The following METTL18 variants were observed in gnomAD, a reference collection of about 807,000 sequenced individuals.
METTL18 encodes the protein methyltransferase 18, RPL3 N3(tau)-histidine.
METTL18 carries 15 observed loss-of-function variants against 19.6 expected under a neutral mutation model. The observed-to-expected ratio is 0.77, with a 90% CI of 0.51 to 1.18. METTL18 has a LOEUF of 1.18. Ranked by LOEUF, METTL18 falls within the 50% of genes most tolerant of loss-of-function variation. The pLI, the probability that METTL18 is intolerant of heterozygous loss-of-function variation, is 0.00. For synonymous variants in METTL18, 131 were observed against 145.2 expected (o/e 0.90, Z 0.70); for missense variants, 392 against 418.8 (o/e 0.94, Z 0.56).
At position 169,792,986 on chromosome 1, in the gene METTL18, A is replaced by T; in HGVS notation, c.710T>A (p.Leu237Ter). The part of the protein sequence containing the change: ...TLPNVVANST[L>*]EDEENDVNEP... ...ATTTACATCATTTTCTTCATCTTCC[A>T]AAGTGGAGTTAGCTACTACATTAGG... is the stretch of plus-strand genomic sequence containing the variant. Residue 237 changes from leucine (L) to a stop codon, truncating the protein, a stop_gained, in exon 2 of 2, where the codon TTG becomes TAG. Coordinates refer to ENST00000310392, the MANE Select transcript of METTL18 (RefSeq NM_033418.4). LOFTEE classifies it high-confidence loss of function. 6.2e-7 allele frequency: 1 copy of T among 1,614,052 alleles called. No homozygotes were observed.
In METTL18 at chr1:169,792,651, T is replaced by C; in HGVS notation, c.1045A>G (p.Thr349Ala). 3 of 1,610,394 alleles carry C rather than the reference T, an allele frequency of 1.9e-6. No individual in the cohort carries two copies. Among genetic ancestry groups the C allele is most frequent in the Non-Finnish European group, 8.5e-7 (1 of 1,179,044 alleles). Residue 349 changes from threonine (T) to alanine (A), a missense_variant, in exon 2 of 2, where the codon ACC becomes GCC. Physicochemically the swap from Thr to Ala is moderately conservative, Grantham distance 58 (BLOSUM62 0). Coordinates refer to ENST00000310392, the MANE Select transcript of METTL18 (RefSeq NM_033418.4). ...KFVEERDVFK[T>A]RILKIIDEGL... The stretch of plus-strand genomic sequence containing the variant: ...TCATCAATTATTTTGAGTATTCTGG[T>C]CTTAAAAACATCTCTTTCTTCTACA...
rs1650270999 is a variant in METTL18 at position 169,793,828 on chromosome 1, A to G, written c.-133T>C. 3 of 688,686 alleles carry G rather than the reference A, an allele frequency of 4.4e-6. No individual in the cohort carries two copies. The highest frequency in any genetic ancestry group is 3.1e-5 in the South Asian group (1 of 32,716). 42.7% of individuals were successfully genotyped at this position (688,686 alleles called of 1,614,324 possible). A position where few individuals can be genotyped will look rare whatever the true frequency, so the allele number is the denominator to read the frequency against. On this transcript the variant is annotated 5_prime_UTR_variant, in exon 2 of 2. An upstream start codon of the reference 5' UTR is lost. Coordinates refer to ENST00000310392, the MANE Select transcript of METTL18 (RefSeq NM_033418.4). ...CCAATTTCTCTTTAGCAGCTTATAC[A>G]TGGTAACAAATATTTAGAGATATTT...
rs779892674 is a variant in METTL18 at position 169,794,887 on chromosome 1, G to A, written c.-275C>T. On this transcript the variant is annotated 5_prime_UTR_variant, in exon 1 of 2. Coordinates refer to ENST00000310392, the MANE Select transcript of METTL18 (RefSeq NM_033418.4). ...AAGCTCACCTCACAACGCCTCCTCC[G>A]GACCTAAATCGCGCACCAGTGAGTC... 7.2e-6 allele frequency: 4 copies of A among 554,302 alleles called. No individual in the cohort carries two copies. Among genetic ancestry groups the A allele is most frequent in the Non-Finnish European group, 1.3e-5 (4 of 309,182 alleles). The allele number at this position is 554,302 out of a possible 1,614,324, so 34.3% of individuals were successfully genotyped here.
At position 169,793,124 on chromosome 1, in the gene METTL18, A is replaced by C. The variant is rs766938906; in HGVS notation, c.572T>G (p.Val191Gly). 1.9e-6 allele frequency: 3 copies of C among 1,614,166 alleles called. No homozygotes were observed. Among genetic ancestry groups the C allele is most frequent in the Non-Finnish European group, 2.5e-6 (3 of 1,180,028 alleles). The change falls in exon 2 of 2, where the codon GTC becomes GGC. Residue 191 changes from valine to glycine, a missense_variant. Physicochemically the swap from Val to Gly is moderately radical, Grantham distance 109 (BLOSUM62 -3). Transcript: ENST00000310392. ...KAKVKFAGKK[V>G]LDLGCGSGLL... is the part of the protein sequence containing the mutation. ...ACCTGATCCACAACCAAGATCCAAG[A>C]CTTTTTTCCCAGCAAATTTCACTTT...
Position 169,794,889 on chromosome 1 carries a change from A to C in METTL18, c.-277T>G. On this transcript the variant is annotated 5_prime_UTR_variant, in exon 1 of 2. Coordinates refer to ENST00000310392, the MANE Select transcript of METTL18 (RefSeq NM_033418.4). ...GCTCACCTCACAACGCCTCCTCCGG[A>C]CCTAAATCGCGCACCAGTGAGTCGA... The C allele has an allele frequency of 1.8e-6, 1 of 560,208 alleles. No individual in the cohort carries two copies. Among genetic ancestry groups the C allele is most frequent in the Admixed American group, 3.0e-5 (1 of 32,890 alleles). The allele number at this position is 560,208 out of a possible 1,614,324, so 34.7% of individuals were successfully genotyped here. A position where few individuals can be genotyped will look rare whatever the true frequency, so the allele number is the denominator to read the frequency against.
chr1:169,794,280 CT>C lies in METTL18; in HGVS notation c.-202-384del, dbSNP rs201380317. Among the ~76,000 whole-genome samples the C allele has an allele frequency of 4.0e-3, 604 of 152,318 alleles. 16 individuals are homozygous for C. The highest frequency in any genetic ancestry group is 0.029 in the Admixed American group (437 of 15,296). On this transcript the variant is annotated intron_variant, in intron 1 of 1. Coordinates refer to ENST00000310392, the MANE Select transcript of METTL18 (RefSeq NM_033418.4). ...GCTTCCAGAATAACTTCACTTCTGT[CT>C]TTTACAGAAGAGGTGCAGTATTTTA...
At chr1:169,793,947 A>C in intron 1 of METTL18, 50 bp from the exon 2 acceptor site, 1 of 361,134 alleles carries the variant, frequency 2.8e-6, no homozygotes, top group African/African-American at 2.1e-5. Flanking sequence ...TTAAAGCAAA[A>C]TGGCACATTT....
Position 169,792,996 on chromosome 1 carries a change from T to TA in METTL18, c.699dup (p.Asn234Ter), listed in dbSNP as rs1402595803. The TA allele has an allele frequency of 6.2e-7, 1 of 1,614,122 alleles. No individual in the cohort carries two copies. The highest frequency in any genetic ancestry group is 1.1e-5 in the South Asian group (1 of 91,068). On this transcript the variant is annotated frameshift_variant, in exon 2 of 2. Coordinates refer to ENST00000310392, the MANE Select transcript of METTL18 (RefSeq NM_033418.4). LOFTEE classifies it high-confidence loss of function. ...TTTTCTTCATCTTCCAAAGTGGAGTTAGCTACTACATTAGGTAAGGTTACT... is the reference window on the plus strand; with the variant it reads ...TTTTCTTCATCTTCCAAAGTGGAGTTAAGCTACTACATTAGGTAAGGTTACT...
At position 169,793,589 on chromosome 1, in the gene METTL18, G is replaced by C; in HGVS notation, c.107C>G (p.Ser36Ter). The C allele has an allele frequency of 2.5e-6, 4 of 1,614,136 alleles. No individual in the cohort carries two copies. The highest frequency in any genetic ancestry group is 3.4e-6 in the Non-Finnish European group (4 of 1,180,022). ...TLDSSKELSV[S>*]ESQKGEERDR... ...CCTCTCTTCTCCTTTTTGACTTTCTGAGACTGACAGCTCTTTTGAGGAATC... is the reference window on the plus strand; with the variant it reads ...CCTCTCTTCTCCTTTTTGACTTTCTCAGACTGACAGCTCTTTTGAGGAATC... The change falls in exon 2 of 2, where the codon TCA becomes TGA. Residue 36 changes from serine (S) to a stop codon, truncating the protein, a stop_gained. Transcript: ENST00000310392. LOFTEE classifies it low-confidence loss of function (END_TRUNC).
In METTL18 at chr1:169,793,031, A is replaced by C. The variant is rs1650186613; in HGVS notation, c.665T>G (p.Val222Gly). 6.2e-7 allele frequency: 1 copy of C among 1,614,142 alleles called. No homozygotes were observed. The highest frequency in any genetic ancestry group is 8.5e-7 in the Non-Finnish European group (1 of 1,180,026). ...EIHFQDYNSM[V>G]IDEVTLPNVV... ...ATTAGGTAAGGTTACTTCATCAATC[A>C]CCATACTGTTATAATCTTGAAAGTG... Residue 222 changes from valine to glycine, a missense_variant, in exon 2 of 2, where the codon GTG becomes GGG. Transcript: ENST00000310392.
At position 169,793,380 on chromosome 1, in the gene METTL18, G is replaced by C. The variant is rs776812757; in HGVS notation, c.316C>G (p.Pro106Ala). 1 of 1,614,008 alleles carries C rather than the reference G, an allele frequency of 6.2e-7. No homozygotes were observed. The highest frequency in any genetic ancestry group is 8.5e-7 in the Non-Finnish European group (1 of 1,179,990). The change falls in exon 2 of 2, where the codon CCT becomes GCT. Residue 106 changes from proline (P) to alanine (A), a missense_variant. By Grantham distance (27) the Pro-to-Ala change is conservative. Transcript: ENST00000310392. Reference protein sequence around the residue: ...SLRAAKEHAMPKDLKKMLENK... With the variant: ...SLRAAKEHAMAKDLKKMLENK... ...TCTAACATCTTCTTTAAATCTTTAGGCATAGCATGCTCTTTGGCAGCTCTC... is the reference window on the plus strand; with the variant it reads ...TCTAACATCTTCTTTAAATCTTTAGCCATAGCATGCTCTTTGGCAGCTCTC...
Position 169,793,423 on chromosome 1 carries a change from A to T in METTL18, c.273T>A (p.His91Gln). The T allele has an allele frequency of 1.9e-6, 3 of 1,614,164 alleles. No individual in the cohort carries two copies. Among genetic ancestry groups the T allele is most frequent in the Non-Finnish European group, 2.5e-6 (3 of 1,180,008 alleles). The change falls in exon 2 of 2, where the codon CAT becomes CAA. Residue 91 changes from histidine to glutamine, a missense_variant. His to Gln is a conservative substitution (Grantham distance 24). Transcript: ENST00000310392. ...AASSSRNLEP[H>Q]GKQPSLRAAK... ...CAGCTCTCAAGGAGGGCTGTTTTCC[A>T]TGTGGCTCCAAGTTCCTTGAACTGC...
In METTL18 at chr1:169,793,611, A is replaced by C; in HGVS notation, c.85T>G (p.Ser29Ala). The change falls in exon 2 of 2, where the codon TCC becomes GCC. Residue 29 changes from serine (S) to alanine (A), a missense_variant. Physicochemically the swap from Ser to Ala is moderately conservative, Grantham distance 99. Coordinates refer to ENST00000310392, the MANE Select transcript of METTL18 (RefSeq NM_033418.4). ...TCTGAGACTGACAGCTCTTTTGAGG[A>C]ATCCAGGGTCAAAGCTCCATCTCTA... is the stretch of plus-strand genomic sequence containing the variant. Reference protein sequence around the residue: ...PIRDGALTLDSSKELSVSESQ... With the variant: ...PIRDGALTLDASKELSVSESQ... 1 of 1,614,146 alleles carries C rather than the reference A, an allele frequency of 6.2e-7. No homozygotes were observed. Among genetic ancestry groups the C allele is most frequent in the Non-Finnish European group, 8.5e-7 (1 of 1,180,020 alleles).
Position 169,793,485 on chromosome 1 carries a change from G to C in METTL18, c.211C>G (p.Pro71Ala). 1 of 1,614,118 alleles carries C rather than the reference G, an allele frequency of 6.2e-7. No homozygotes were observed. The highest frequency in any genetic ancestry group is 1.1e-5 in the South Asian group (1 of 91,078). The change falls in exon 2 of 2, where the codon CCC becomes GCC. Residue 71 changes from proline to alanine, a missense_variant. Physicochemically the swap from Pro to Ala is conservative, Grantham distance 27. Coordinates refer to ENST00000310392, the MANE Select transcript of METTL18 (RefSeq NM_033418.4). The stretch of plus-strand genomic sequence containing the variant: ...AGTGGACTGTCTGTGTCTTGAGAGG[G>C]AGCTGCATTTTCCATTGACTTATGT... Reference protein sequence around the residue: ...WEHKSMENAAPSQDTDSPLSA... With the variant: ...WEHKSMENAAASQDTDSPLSA...
chr1:169,793,215 C>T lies in METTL18; in HGVS notation c.481G>A (p.Val161Ile). 1.2e-6 allele frequency: 2 copies of T among 1,614,196 alleles called. No homozygotes were observed. The highest frequency in any genetic ancestry group is 2.2e-5 in the South Asian group (2 of 91,090). Residue 161 changes from valine to isoleucine, a missense_variant, in exon 2 of 2, where the codon GTT becomes ATT. By Grantham distance (29) the Val-to-Ile change is conservative (BLOSUM62 3). Coordinates refer to ENST00000310392, the MANE Select transcript of METTL18 (RefSeq NM_033418.4). ...CAGATTTTTAAGCCTCCCTCATAAA[C>T]ACCTGTAATCAGATCAGAGTGAGAA... Reference protein sequence around the residue: ...FSSHSDLITGVYEGGLKIWEC... With the variant: ...FSSHSDLITGIYEGGLKIWEC...
At position 169,793,246 on chromosome 1, in the gene METTL18, G is replaced by C; in HGVS notation, c.450C>G (p.Ser150Arg). ...TAATCAGATCAGAGTGAGAAGAAAA[G>C]CTTTTTGAAACTATGTTTTCTCCAG... ...NFPGENIVSKSFSSHSDLITG... is the reference protein window; with the variant it reads ...NFPGENIVSKRFSSHSDLITG... The change falls in exon 2 of 2, where the codon AGC becomes AGG. Residue 150 changes from serine to arginine, a missense_variant. Physicochemically the swap from Ser to Arg is moderately radical, Grantham distance 110. Transcript: ENST00000310392. 6.2e-7 allele frequency: 1 copy of C among 1,614,098 alleles called. No individual in the cohort carries two copies. Among genetic ancestry groups the C allele is most frequent in the Non-Finnish European group, 8.5e-7 (1 of 1,180,016 alleles).
rs1160413999 is a variant in METTL18, at chr1:169,792,884, G to C, written c.812C>G (p.Ser271Cys). The C allele has an allele frequency of 6.2e-7, 1 of 1,614,086 alleles. No homozygotes were observed. Among genetic ancestry groups the C allele is most frequent in the Non-Finnish European group, 8.5e-7 (1 of 1,180,002 alleles). ...ACTTAGTACAAGCTTACAAAACTCA[G>C]ACCACTCACCAGAAAAAAATCGGCA... Reference protein sequence around the residue: ...YKCRFFSGEWSEFCKLVLSSE... With the variant: ...YKCRFFSGEWCEFCKLVLSSE... Residue 271 changes from serine (S) to cysteine (C), a missense_variant, in exon 2 of 2, where the codon TCT becomes TGT. Physicochemically the swap from Ser to Cys is moderately radical, Grantham distance 112 (BLOSUM62 -1). Transcript: ENST00000310392.
In METTL18 at chr1:169,793,377, T is replaced by C; in HGVS notation, c.319A>G (p.Lys107Glu). The change falls in exon 2 of 2, where the codon AAA becomes GAA. Residue 107 changes from lysine to glutamate, a missense_variant. Physicochemically the swap from Lys to Glu is moderately conservative, Grantham distance 56. Transcript: ENST00000310392. ...LRAAKEHAMP[K>E]DLKKMLENKV... The stretch of plus-strand genomic sequence containing the variant: ...TTTTCTAACATCTTCTTTAAATCTT[T>C]AGGCATAGCATGCTCTTTGGCAGCT... 1.2e-6 allele frequency: 2 copies of C among 1,614,238 alleles called. No individual in the cohort carries two copies. Among genetic ancestry groups the C allele is most frequent in the East Asian group, 2.2e-5 (1 of 44,894 alleles).
rs1650177452 is a variant in METTL18 at position 169,792,896 on chromosome 1, G to GA, written c.799dup (p.Ser267PhefsTer3). ...CTTACAAAACTCAGACCACTCACCAGAAAAAAATCGGCATTTATATAGTTG... is the reference window on the plus strand; with the variant it reads ...CTTACAAAACTCAGACCACTCACCAGAAAAAAAATCGGCATTTATATAGTTG... On this transcript the variant is annotated frameshift_variant, in exon 2 of 2. Coordinates refer to ENST00000310392, the MANE Select transcript of METTL18 (RefSeq NM_033418.4). LOFTEE classifies it high-confidence loss of function. 2.5e-6 allele frequency: 4 copies of GA among 1,614,038 alleles called. No individual in the cohort carries two copies. The East Asian group carries it at 6.7e-5, about 27-fold the overall frequency.
Sources: gnomAD v4.1 joint callset for allele counts (sites outside exome capture counted in the v4.1 genomes callset) on GRCh38, gnomAD v4.1.1 for gene constraint, MANE v1.5 for transcripts, NCBI Gene and HGNC (gene_info 2026-07-23, HGNC 2026-07-21) for gene names.